The following KLF8 variants were observed in gnomAD, a reference collection of about 807,000 sequenced individuals.
The protein encoded by KLF8 is KLF transcription factor 8.
A neutral mutation model predicts 18.2 loss-of-function variants in KLF8; 10 were observed. The observed-to-expected ratio is 0.55, with a 90% confidence interval of 0.34 to 0.93. KLF8 has a LOEUF of 0.93. Ranked by LOEUF, KLF8 falls within the 40% of genes least tolerant of loss-of-function variation. The pLI, the probability that KLF8 is intolerant of heterozygous loss-of-function variation, is 0.02. For missense variants in KLF8, 264 were observed against 277.9 expected (o/e 0.95, Z 0.36); for synonymous variants, 109 against 97.3 (o/e 1.12, Z -0.71).
chrX:56,047,486 A>G, the KLF8 span, among the ~76,000 whole-genome samples: 3 of 103,838 alleles, frequency 2.9e-5, no homozygotes, highest in South Asian at 1.4e-3. Flanking sequence ...TCATTGTTCA[A>G]TTCCCACCTA....
chrX:56,030,102 G>A, the KLF8 span, among the ~76,000 whole-genome samples: 1 of 112,251 alleles, frequency 8.9e-6, no homozygotes, highest in African/African-American at 3.2e-5. Flanking sequence ...GCCTCACACA[G>A]TCTTTCATAG....
chrX:56,217,106 T>C, the KLF8 span, among the ~76,000 whole-genome samples: 1 of 112,154 alleles, frequency 8.9e-6, no homozygotes, highest in African/African-American at 3.2e-5. Flanking sequence ...AATGTGAATA[T>C]GTGCATGACT....
chrX:56,218,692 A>G, the KLF8 span, among the ~76,000 whole-genome samples: 1 of 112,399 alleles, frequency 8.9e-6, no homozygotes, highest in African/African-American at 3.2e-5. Context: ...TTAAAAACCA[A>G]TGAAAAATTC....
the KLF8 span, among the ~76,000 whole-genome samples, chrX:56,003,679 C>T: frequency 8.9e-6 from 1 of 111,779 alleles, no homozygotes; most frequent in African/African-American, 3.2e-5. Context: ...GATAAAATAC[C>T]TCATTGATTT....
the KLF8 span, among the ~76,000 whole-genome samples, chrX:56,048,731 G>A: frequency 1.8e-5 from 2 of 111,713 alleles, no homozygotes; most frequent in Admixed American, 1.9e-4. Flanking sequence ...TTTTGGCTTA[G>A]GATTGACGTG....
the KLF8 span, among the ~76,000 whole-genome samples, chrX:56,081,260 T>C: frequency 7.2e-5 from 8 of 111,568 alleles, no homozygotes; most frequent in Non-Finnish European, 1.1e-4. Flanking sequence ...TTCTGTTTTT[T>C]CCCCATCTTT....
At position 56,265,195 on chromosome X, in the gene KLF8, C is replaced by T. The variant is rs368900678; in HGVS notation, c.97C>T (p.Arg33Trp). Reference sequence around the variant, plus strand: ...TTTATTTAAGGTCACTGCTTCTGTTCGGAACAGAGATCCCCCTGAGATAGA... The same window carrying T: ...TTTATTTAAGGTCACTGCTTCTGTTTGGAACAGAGATCCCCCTGAGATAGA... ...QVFKQVTASVRNRDPPEIEYR... is the reference protein window; with the variant it reads ...QVFKQVTASVWNRDPPEIEYR... Residue 33 changes from arginine to tryptophan, a missense_variant, in exon 3 of 6, where the codon CGG becomes TGG. This residue lies in a region of KLF8 where 221 missense variants were observed against 193.6 expected (regional missense o/e 1.14). Transcript: ENST00000468660. The T allele has an allele frequency of 7.8e-5, 93 of 1,196,552 alleles. No homozygotes were observed. The highest frequency in any genetic ancestry group is 9.3e-5 in the Non-Finnish European group (82 of 886,160).
chrX:55,998,282 T>A, the KLF8 span, among the ~76,000 whole-genome samples: 1 of 110,628 alleles, frequency 9.0e-6, no homozygotes, highest in South Asian at 4.1e-4. Flanking sequence ...GAGGCATGCC[T>A]TCCTCTTATA....
At chrX:56,212,658 A>T in the KLF8 span, among the ~76,000 whole-genome samples, 6 of 111,991 alleles carry the variant, frequency 5.4e-5, no homozygotes, top group Middle Eastern at 4.6e-3. Flanking sequence ...AGAGGCCACC[A>T]CTGCTGTGTA....
At chrX:56,137,994 A>G in the KLF8 span, among the ~76,000 whole-genome samples, 1 of 103,016 alleles carries the variant, frequency 9.7e-6, no homozygotes, top group Admixed American at 1.1e-4. Flanking sequence ...ATATATGAAA[A>G]AACACAACCG....
chrX:56,142,129 G>A, the KLF8 span, among the ~76,000 whole-genome samples: 1 of 110,379 alleles, frequency 9.1e-6, no homozygotes, highest in Non-Finnish European at 1.9e-5. Context: ...ATTATTTTTC[G>A]TGGAACCTAT....
the KLF8 span, among the ~76,000 whole-genome samples, chrX:56,117,669 G>A: frequency 8.9e-6 from 1 of 112,199 alleles, no homozygotes; most frequent in East Asian, 2.8e-4. Context: ...GACAACTGCA[G>A]GACCAACACA....
At chrX:55,997,226 G>A in the KLF8 span, among the ~76,000 whole-genome samples, 1 of 111,959 alleles carries the variant, frequency 8.9e-6, no homozygotes, top group East Asian at 2.8e-4. Flanking sequence ...GTTATGTCCA[G>A]GTCCAACAGT....
chrX:56,182,280 C>A, the KLF8 span, among the ~76,000 whole-genome samples: 2 of 112,320 alleles, frequency 1.8e-5, no homozygotes, highest in East Asian at 5.5e-4. Flanking sequence ...GCATTCGTCA[C>A]GTAGTTCTCG....
chrX:56,287,971 C>T lies in KLF8; in HGVS notation c.*3477C>T, dbSNP rs991300754. On this transcript the variant is annotated 3_prime_UTR_variant, in exon 6 of 6. Transcript: ENST00000468660. ...GAATTGTTTCGGCCAGGCACTGTGGCTCACACCTGTAATCCCAGCACTTTG... is the reference window on the plus strand; with the variant it reads ...GAATTGTTTCGGCCAGGCACTGTGGTTCACACCTGTAATCCCAGCACTTTG... The T allele has an allele frequency of 8.9e-6, 1 of 112,001 alleles. No homozygotes were observed. Among genetic ancestry groups the T allele is most frequent in the Non-Finnish European group, 1.9e-5 (1 of 53,247 alleles). 9.2% of individuals were successfully genotyped at this position (112,001 alleles called of 1,213,427 possible).
chrX:56,197,760 C>A, the KLF8 span, among the ~76,000 whole-genome samples: 102 of 111,206 alleles, frequency 9.2e-4, no homozygotes, highest in African/African-American at 3.2e-3. Context: ...CATCCAGTAC[C>A]AAAGCCTGGC....
chrX:56,123,610 C>A, the KLF8 span, among the ~76,000 whole-genome samples: 63 of 111,929 alleles, frequency 5.6e-4, 1 homozygote, highest in Non-Finnish European at 1.0e-3. Flanking sequence ...AAGTATAAAG[C>A]CTTGTTTCTA....
chrX:56,261,300 T>C (rs1331316122), intron 2 of KLF8, among the ~76,000 whole-genome samples: 1 of 111,855 alleles, frequency 8.9e-6, no homozygotes, highest in Non-Finnish European at 1.9e-5. Flanking sequence ...TTTGTTTTCT[T>C]TCATGCACAA....
the KLF8 span, chrX:55,908,334 G>T: frequency 3.5e-6 from 1 of 282,479 alleles, no homozygotes; most frequent in East Asian, 5.0e-5. Context: ...GATTATGTCC[G>T]CCAGCCTAAG....
Sources: gnomAD v4.1 joint callset for allele counts (sites outside exome capture counted in the v4.1 genomes callset) on GRCh38, gnomAD v4.1.1 for gene constraint, gnomAD v4.1.1 regional missense constraint, MANE v1.5 for transcripts, NCBI Gene and HGNC (gene_info 2026-07-23, HGNC 2026-07-21) for gene names.